ABCB5: variants seen among roughly 807,000 people sequenced by gnomAD.
ABCB5 encodes ATP binding cassette subfamily B member 5.
ABCB5 carries 155 observed loss-of-function variants against 144.2 expected under a neutral mutation model. The observed-to-expected ratio is 1.08, with a 90% confidence interval of 0.94 to 1.23. The LOEUF (loss-of-function observed/expected upper bound fraction) is 1.23. Among genes scored for constraint, ABCB5 ranks in the 50% most tolerant of loss-of-function variants. The pLI is 0.00. For missense variants in ABCB5, 1,830 were observed against 1,520.8 expected (o/e 1.20, Z -3.38); for synonymous variants, 610 against 528.6 (o/e 1.15, Z -2.11).
rs555423176 is a variant in ABCB5 at position 20,655,496 on chromosome 7, A to C, written c.1537-3010A>C. Among the ~76,000 whole-genome samples the C allele has an allele frequency of 9.1e-3, 1,229 of 135,298 alleles. 15 individuals carry two copies. The highest frequency in any genetic ancestry group is 0.027 in the African/African-American group (1,008 of 36,672). The allele number at this position is 135,298 out of a possible 152,430, so 88.8% of individuals were successfully genotyped here. A position where few individuals can be genotyped will look rare whatever the true frequency, so the allele number is the denominator to read the frequency against. On this transcript the variant is annotated intron_variant, in intron 13 of 27. Transcript: ENST00000404938. ...CCCCCGCACCTCCCCCCAGCCCCCCAAAAAAAGCTAGATGTCTAAATAACG... is the reference window on the plus strand; with the variant it reads ...CCCCCGCACCTCCCCCCAGCCCCCCCAAAAAAGCTAGATGTCTAAATAACG...
chr7:20,667,410 G>A (rs1440392521), intron 14 of ABCB5: 4 of 985,442 alleles, frequency 4.1e-6, no homozygotes, highest in East Asian at 2.2e-4. Flanking sequence ...CTGATTCTGT[G>A]CACAGAAGGA....
At chr7:20,707,801 C>CTT (rs67014566) in intron 20 of ABCB5, among the ~76,000 whole-genome samples, 29 of 93,056 alleles carry the variant, frequency 3.1e-4, no homozygotes, top group Non-Finnish European at 4.4e-4. Context: ...AACCTCATTT[C>CTT]TTTTTTTTTT....
intron 3 of ABCB5, among the ~76,000 whole-genome samples, chr7:20,627,654 A>G (rs1783939725): frequency 6.8e-6 from 1 of 148,074 alleles, no homozygotes; most frequent in African/African-American, 2.5e-5. Flanking sequence ...TATTCAAAAC[A>G]GCCCTTAAAA....
intron 5 of ABCB5, among the ~76,000 whole-genome samples, chr7:20,639,979 A>G (rs889926111): frequency 7.9e-5 from 12 of 152,170 alleles, no homozygotes; most frequent in Admixed American, 7.9e-4. Flanking sequence ...CTCCCAATCC[A>G]TCAACATGGA....
At chr7:20,674,197 C>T (rs945821196) in intron 14 of ABCB5, among the ~76,000 whole-genome samples, 6 of 151,776 alleles carry the variant, frequency 4.0e-5, no homozygotes, top group Admixed American at 2.0e-4. Context: ...TTACATTTTT[C>T]TCCATGCACT....
intron 21 of ABCB5, among the ~76,000 whole-genome samples, chr7:20,726,341 T>G (rs1360951709): frequency 6.6e-6 from 1 of 150,510 alleles, no homozygotes; most frequent in Non-Finnish European, 1.5e-5. Context: ...ATTATGTGAT[T>G]ACTTTATCTC....
chr7:20,633,095 C>A (rs904310732), intron 5 of ABCB5, among the ~76,000 whole-genome samples: 1 of 151,444 alleles, frequency 6.6e-6, no homozygotes, highest in African/African-American at 2.4e-5. Context: ...TAATAAAATA[C>A]TTCTTAACAT....
At chr7:20,699,648 C>T (rs142101656) in intron 17 of ABCB5, among the ~76,000 whole-genome samples, 177 bp from the exon 18 acceptor site, 1 of 151,874 alleles carries the variant, frequency 6.6e-6, no homozygotes, top group African/African-American at 2.4e-5. Context: ...TTGCATTGAG[C>T]CAAGACTGAG....
intron 7 of ABCB5, among the ~76,000 whole-genome samples, chr7:20,644,641 A>G (rs1784364145): frequency 6.6e-6 from 1 of 152,208 alleles, no homozygotes; most frequent in African/African-American, 2.4e-5. Flanking sequence ...TCTTTTGGAA[A>G]TTCTACCATT....
chr7:20,721,056 A>G lies in ABCB5; in HGVS notation c.2422-1960A>G, dbSNP rs530230314. Among the ~76,000 whole-genome samples, 11 of 152,178 alleles carry G rather than the reference A, an allele frequency of 7.2e-5. No homozygotes were observed. In the South Asian group the frequency reaches 2.3e-3, roughly 32 times the overall value. On this transcript the variant is annotated intron_variant, in intron 20 of 27. Coordinates refer to ENST00000404938, the MANE Select transcript of ABCB5 (RefSeq NM_001163941.2). Reference sequence around the variant, plus strand: ...ATTCCAATGTAGATATCCTTTCACTATAAAATACATTATTGAGACAACTGA... The same window carrying G: ...ATTCCAATGTAGATATCCTTTCACTGTAAAATACATTATTGAGACAACTGA...
chr7:20,726,769 T>A (rs1351445541), intron 21 of ABCB5, among the ~76,000 whole-genome samples: 1 of 152,202 alleles, frequency 6.6e-6, no homozygotes, highest in East Asian at 1.9e-4. Context: ...TGGAACAAGT[T>A]TAAATTGAAA....
rs1448178016 is a variant in ABCB5 at position 20,623,298 on chromosome 7, GAA to G, written c.15_16del (p.Arg6SerfsTer2). ...AATTGTAAATAAGATGGAAAATTCA[GAA>G]AGAGCTGAAGAAATGCAAGAAAATT... is the stretch of plus-strand genomic sequence containing the variant. Reference protein sequence around the residue: MENSERAEEMQENYQ... With the variant: MENSXRAEEMQENYQ... On this transcript the variant is annotated frameshift_variant, in exon 2 of 28. Coordinates refer to ENST00000404938, the MANE Select transcript of ABCB5 (RefSeq NM_001163941.2). LOFTEE classifies it high-confidence loss of function. The G allele has an allele frequency of 1.3e-6, 2 of 1,547,008 alleles. No homozygotes were observed. Among genetic ancestry groups the G allele is most frequent in the East Asian group, 4.9e-5 (2 of 41,094 alleles).
At chr7:20,750,453 T>C (rs1274992422) in intron 26 of ABCB5, among the ~76,000 whole-genome samples, 1 of 151,736 alleles carries the variant, frequency 6.6e-6, no homozygotes, top group Non-Finnish European at 1.5e-5. Flanking sequence ...ATTGTGTATG[T>C]TTGATGAAAA....
At chr7:20,691,168 C>CTTTTT (rs58696871) in intron 16 of ABCB5, among the ~76,000 whole-genome samples, 26 of 46,118 alleles carry the variant, frequency 5.6e-4, no homozygotes, top group African/African-American at 8.1e-4. Context: ...ACCCAGTGGA[C>CTTTTT]TTTTTTTTTT....
In ABCB5 at chr7:20,714,680, A is replaced by G. The variant is rs1261369222; in HGVS notation, c.2422-8336A>G. Among the ~76,000 whole-genome samples, 4 of 152,212 alleles carry G rather than the reference A, an allele frequency of 2.6e-5. No individual in the cohort carries two copies. The East Asian group carries it at 7.7e-4, about 29-fold the overall frequency. The stretch of plus-strand genomic sequence containing the variant: ...TAATTTAAACTAAAATGAACTATAG[A>G]AAGGATATAATTCTATTTTCCAGCA... On this transcript the variant is annotated intron_variant, in intron 20 of 27. Transcript: ENST00000404938.
chr7:20,633,544 TA>T (rs1435248818), intron 5 of ABCB5, among the ~76,000 whole-genome samples: 2 of 152,168 alleles, frequency 1.3e-5, no homozygotes, highest in Non-Finnish European at 2.9e-5. Context: ...GTAATACATA[TA>T]ACGTATAGTG....
chr7:20,707,824 G>A (rs1251355417), intron 20 of ABCB5, among the ~76,000 whole-genome samples: 1 of 33,026 alleles, frequency 3.0e-5, no homozygotes, highest in Admixed American at 2.9e-4. Context: ...TTTTTTTTTT[G>A]AGACGGGGTC....
At chr7:20,647,422 C>T in intron 9 of ABCB5, 113 bp from the exon 10 acceptor site, 1 of 1,391,546 alleles carries the variant, frequency 7.2e-7, no homozygotes, top group East Asian at 2.7e-5. Context: ...TTCTTTCTTA[C>T]CTAATTCCTC....
chr7:20,634,866 A>C (rs1019745331), intron 5 of ABCB5, among the ~76,000 whole-genome samples: 2 of 151,352 alleles, frequency 1.3e-5, no homozygotes, highest in Non-Finnish European at 3.0e-5. Flanking sequence ...TTGTCTTTTC[A>C]CTCTGTTGAT....
Sources: allele counts gnomAD v4.1 joint callset (sites outside exome capture counted in the v4.1 genomes callset), GRCh38; gene constraint gnomAD v4.1.1; transcripts MANE v1.5; gene names NCBI Gene and HGNC (gene_info 2026-07-23, HGNC 2026-07-21).